Variants in GRIN2D observed in about 807,000 individuals in gnomAD.
The protein encoded by GRIN2D is glutamate ionotropic receptor NMDA type subunit 2D.
A neutral mutation model predicts 103.2 loss-of-function variants in GRIN2D; 37 were observed. The ratio of observed to expected loss-of-function variants is 0.36; its 90% CI spans 0.28 to 0.47. The LOEUF is 0.47. Among genes scored for constraint, GRIN2D ranks in the 20% least tolerant of loss-of-function variants. GRIN2D has a pLI of 1.00. For missense variants in GRIN2D, 1,557 were observed against 1,910.6 expected (o/e 0.81, Z 3.45); for synonymous variants, 845 against 885.6 (o/e 0.95, Z 0.81).
In GRIN2D at chr19:48,442,961, G is replaced by A. The variant is rs1447126523; in HGVS notation, c.3035G>A (p.Arg1012His). ...KPPPSYFAIVRDKEPAEPPAG... is the reference protein window; with the variant it reads ...KPPPSYFAIVHDKEPAEPPAG... ...CCGCCCTCCTATTTCGCCATCGTAC[G>A]CGACAAGGAGCCAGCCGAGCCCCCC... is the stretch of plus-strand genomic sequence containing the variant. Residue 1012 changes from arginine (R) to histidine (H), a missense_variant, in exon 14 of 14, where the codon CGC becomes CAC. Around this residue, in one of 7 missense-constraint regions of GRIN2D, gnomAD observed 632 missense variants for 572.8 expected, o/e 1.10. Coordinates refer to ENST00000263269, the MANE Select transcript of GRIN2D (RefSeq NM_000836.4). The surrounding 1 kb of genome is among the most constrained non-coding windows in gnomAD (Gnocchi z 7.2). 5.2e-6 allele frequency: 6 copies of A among 1,142,950 alleles called. No individual in the cohort carries two copies. The highest frequency in any genetic ancestry group is 3.4e-5 in the African/African-American group (2 of 59,542). The allele number at this position is 1,142,950 out of a possible 1,614,324, so 70.8% of individuals were successfully genotyped here. A position where few individuals can be genotyped will look rare whatever the true frequency, so the allele number is the denominator to read the frequency against.
intron 11 of GRIN2D, among the ~76,000 whole-genome samples, chr19:48,422,458 A>G (rs1971036489): frequency 6.6e-6 from 1 of 152,072 alleles, no homozygotes; most frequent in Non-Finnish European, 1.5e-5. Context: ...AAAAAATACA[A>G]AAATTAGCTG....
At chr19:48,415,920 G>A in intron 7 of GRIN2D, 82 bp from the exon 8 acceptor site, 2 of 1,285,782 alleles carry the variant, frequency 1.6e-6, no homozygotes, top group Admixed American at 1.7e-5. Context: ...CTGCTCCCGG[G>A]GCCCGTCTCT....
chr19:48,409,762 C>T (rs1970833176), intron 4 of GRIN2D, among the ~76,000 whole-genome samples: 1 of 151,884 alleles, frequency 6.6e-6, no homozygotes, highest in Non-Finnish European at 1.5e-5. Flanking sequence ...GGCCAGGGGG[C>T]AGGGGTTTGG....
intron 10 of GRIN2D, 118 bp downstream of exon 10, chr19:48,419,932 A>AGGGGGGGGGGG (rs1970999604): frequency 3.8e-4 from 1 of 2,624 alleles, no homozygotes; most frequent in Admixed American, 4.8e-3. Context: ...GGGTGGGGGG[A>AGGGGGGGGGGG]GGGCGGGAAG....
At chr19:48,413,175 T>TA (rs34356915) in intron 4 of GRIN2D, among the ~76,000 whole-genome samples, 7,585 of 97,620 alleles carry the variant, frequency 0.078, 638 homozygotes, top group African/African-American at 0.24. Flanking sequence ...AACCACACAT[T>TA]AAAAAAAAAA....
chr19:48,412,457 GAA>G (rs1479819583), intron 4 of GRIN2D, among the ~76,000 whole-genome samples: 6 of 149,644 alleles, frequency 4.0e-5, no homozygotes, highest in African/African-American at 1.5e-4. Context: ...AAGAAAGAAA[GAA>G]AGAAAGAAAG....
intron 4 of GRIN2D, among the ~76,000 whole-genome samples, chr19:48,412,431 A>G (rs9749417): frequency 7.8e-6 from 1 of 128,214 alleles, no homozygotes; most frequent in African/African-American, 3.3e-5. Flanking sequence ...AAAAGAAAGA[A>G]AGAAAGAAAG....
Position 48,442,938 on chromosome 19 carries a change from G to A in GRIN2D, c.3012G>A (p.Pro1004=). Residue 1004 remains proline (P), a synonymous_variant, in exon 14 of 14, where the codon CCG becomes CCA. Coordinates refer to ENST00000263269, the MANE Select transcript of GRIN2D (RefSeq NM_000836.4). This position sits in a 1 kb window ranked among gnomAD's most constrained non-coding sequence, Gnocchi z 7.2. ...CCGCTCAGCCCCCGCAGAAGCCGCCGCCCTCCTATTTCGCCATCGTACGCG... is the reference window on the plus strand; with the variant it reads ...CCGCTCAGCCCCCGCAGAAGCCGCCACCCTCCTATTTCGCCATCGTACGCG... ...PPAAQPPQKP[P]PSYFAIVRDK... The A allele has an allele frequency of 8.8e-7, 1 of 1,141,522 alleles. No individual in the cohort carries two copies. Among genetic ancestry groups the A allele is most frequent in the Admixed American group, 3.9e-5 (1 of 25,666 alleles). The allele number at this position is 1,141,522 out of a possible 1,614,324, so 70.7% of individuals were successfully genotyped here. A position where few individuals can be genotyped will look rare whatever the true frequency, so the allele number is the denominator to read the frequency against.
Position 48,443,145 on chromosome 19 carries a change from G to A in GRIN2D, c.3219G>A (p.Gly1073=). The change falls in exon 14 of 14, where the codon GGG becomes GGA. Residue 1073 remains glycine, a synonymous_variant. Transcript: ENST00000263269. This position sits in a 1 kb window ranked among gnomAD's most constrained non-coding sequence, Gnocchi z 8.9. ...ACCCCGAGAGCCAACCCCTGCTGGG[G>A]CCAGGCGCGGGCGGCGCGGGGGGCA... ...RSDPESQPLL[G]PGAGGAGGTG... is the part of the protein sequence containing the mutation. The A allele has an allele frequency of 2.0e-6, 2 of 994,470 alleles. No homozygotes were observed. The highest frequency in any genetic ancestry group is 1.1e-4 in the East Asian group (1 of 9,464). The allele number at this position is 994,470 out of a possible 1,614,324, so 61.6% of individuals were successfully genotyped here. A position where few individuals can be genotyped will look rare whatever the true frequency, so the allele number is the denominator to read the frequency against.
chr19:48,397,692 CCTCT>C (rs200471793), intron 2 of GRIN2D, among the ~76,000 whole-genome samples: 10 of 151,926 alleles, frequency 6.6e-5, no homozygotes, highest in South Asian at 4.2e-4. Flanking sequence ...GTCACTCCGT[CCTCT>C]CTCTCTCCGT....
intron 11 of GRIN2D, among the ~76,000 whole-genome samples, chr19:48,432,660 T>C (rs1463590114): frequency 2.7e-5 from 4 of 149,474 alleles, no homozygotes; most frequent in Non-Finnish European, 4.5e-5. Flanking sequence ...GGTCTCACTA[T>C]GTTGCCCAGG....
At chr19:48,423,575 G>A (rs1011671540) in intron 11 of GRIN2D, among the ~76,000 whole-genome samples, 8 of 152,074 alleles carry the variant, frequency 5.3e-5, no homozygotes, top group Non-Finnish European at 7.4e-5. Context: ...GTGGACTTCC[G>A]GAAGCAGAGC....
At chr19:48,441,979 C>A in intron 12 of GRIN2D, 23 bp downstream of exon 12, 3 of 1,589,568 alleles carry the variant, frequency 1.9e-6, no homozygotes, top group Non-Finnish European at 2.6e-6. Context: ...ACAGGGATTT[C>A]CACAGCGGAG....
chr19:48,424,345 A>G (rs1200470649), intron 11 of GRIN2D, among the ~76,000 whole-genome samples: 1 of 137,134 alleles, frequency 7.3e-6, no homozygotes, highest in Non-Finnish European at 1.5e-5. Flanking sequence ...ATCTCGGCTC[A>G]CTGCAAGCGC....
chr19:48,442,971 G>T lies in GRIN2D; in HGVS notation c.3045G>T (p.Glu1015Asp). The part of the protein sequence containing the change: ...PSYFAIVRDK[E>D]PAEPPAGAFP... ...ATTTCGCCATCGTACGCGACAAGGAGCCAGCCGAGCCCCCCGCCGGCGCCT... is the reference window on the plus strand; with the variant it reads ...ATTTCGCCATCGTACGCGACAAGGATCCAGCCGAGCCCCCCGCCGGCGCCT... The change falls in exon 14 of 14, where the codon GAG (glutamate) becomes GAT (aspartate). Residue 1015 changes from glutamate to aspartate, a missense_variant. Glu to Asp is a conservative substitution (Grantham distance 45). Around this residue, in one of 7 missense-constraint regions of GRIN2D, gnomAD observed 632 missense variants for 572.8 expected, o/e 1.10. Transcript: ENST00000263269. This position sits in a 1 kb window ranked among gnomAD's most constrained non-coding sequence, Gnocchi z 7.2. 1 of 1,127,884 alleles carries T rather than the reference G, an allele frequency of 8.9e-7. No homozygotes were observed. The allele number at this position is 1,127,884 out of a possible 1,614,324, so 69.9% of individuals were successfully genotyped here.
intron 3 of GRIN2D, among the ~76,000 whole-genome samples, chr19:48,403,893 G>A (rs1311408755): frequency 1.3e-5 from 2 of 152,166 alleles, no homozygotes; most frequent in East Asian, 1.9e-4. Context: ...CTGCTGGAAC[G>A]GATGAACCCC....
Position 48,442,930 on chromosome 19 carries a change from A to C in GRIN2D, c.3004A>C (p.Lys1002Gln). 1 of 1,130,632 alleles carries C rather than the reference A, an allele frequency of 8.8e-7. No individual in the cohort carries two copies. Among genetic ancestry groups the C allele is most frequent in the Non-Finnish European group, 1.1e-6 (1 of 917,658 alleles). The allele number at this position is 1,130,632 out of a possible 1,614,324, so 70.0% of individuals were successfully genotyped here. ...LSPPAAQPPQ[K>Q]PPPSYFAIVR... ...CCCGCCGGCCGCTCAGCCCCCGCAG[A>C]AGCCGCCGCCCTCCTATTTCGCCAT... The change falls in exon 14 of 14, where the codon AAG becomes CAG. Residue 1002 changes from lysine to glutamine, a missense_variant. This residue lies in a region of GRIN2D where 632 missense variants were observed against 572.8 expected (regional missense o/e 1.10). Coordinates refer to ENST00000263269, the MANE Select transcript of GRIN2D (RefSeq NM_000836.4). The surrounding 1 kb of genome is among the most constrained non-coding windows in gnomAD (Gnocchi z 7.2).
chr19:48,431,832 G>A (rs1296380879), intron 11 of GRIN2D, among the ~76,000 whole-genome samples: 1 of 151,976 alleles, frequency 6.6e-6, no homozygotes, highest in African/African-American at 2.4e-5. Flanking sequence ...TGATCCACCC[G>A]CCCCAGCCTC....
chr19:48,417,419 G>A (rs1206659305), intron 8 of GRIN2D, among the ~76,000 whole-genome samples: 1 of 152,128 alleles, frequency 6.6e-6, no homozygotes, highest in African/African-American at 2.4e-5. Context: ...AGATGGATTG[G>A]GTAGAGGGAC....
Sources: allele counts gnomAD v4.1 joint callset (sites outside exome capture counted in the v4.1 genomes callset), GRCh38; gene constraint gnomAD v4.1.1; regional missense constraint gnomAD v4.1.1; non-coding constraint Gnocchi (gnomAD v3.1); transcripts MANE v1.5; gene names NCBI Gene and HGNC (gene_info 2026-07-23, HGNC 2026-07-21).